EPB41: variants seen among roughly 807,000 people sequenced by gnomAD.
EPB41 encodes the protein protein 4.1.
In EPB41, 65 loss-of-function variants were observed where a neutral mutation model predicts 108.0. That is an observed-to-expected ratio of 0.60 (90% CI 0.49 to 0.74). EPB41 has a LOEUF of 0.74. EPB41 is among the 30% of genes least tolerant of loss of function. EPB41 has a pLI of 0.00. For synonymous variants in EPB41, 336 were observed against 358.9 expected (o/e 0.94, Z 0.72); for missense variants, 875 against 1,037.0 (o/e 0.84, Z 2.15).
At chr1:28,893,116 C>T (rs915230436) in intron 1 of EPB41, among the ~76,000 whole-genome samples, 21 of 151,970 alleles carry the variant, frequency 1.4e-4, no homozygotes, top group African/African-American at 5.1e-4. Context: ...GGGTCTCACT[C>T]TGTCGCCCAG....
intron 17 of EPB41, among the ~76,000 whole-genome samples, chr1:29,099,789 A>C (rs1330561651): frequency 6.6e-6 from 1 of 152,246 alleles, no homozygotes; most frequent in Non-Finnish European, 1.5e-5. Context: ...GAGTGTTCAC[A>C]ATATTAAGCC....
At chr1:28,911,009 G>A (rs2092226694), upstream of EPB41, 1 of 985,258 alleles carries the variant, frequency 1.0e-6, no homozygotes, top group South Asian at 4.7e-5. Context: ...CGGTGCTTGG[G>A]ACCTTTACCC....
Position 28,902,493 on chromosome 1 carries a change from C to T in EPB41, c.-8+15283C>T, listed in dbSNP as rs149549735. ...GGAGCCAGGCTTGGAGCAGCTTCCT[C>T]TGGAACTTTCCCCTTCCCAGCTCGG... is the stretch of plus-strand genomic sequence containing the variant. On this transcript the variant is annotated intron_variant, in intron 1 of 16. Coordinates refer to the EPB41 transcript ENST00000347529. The T allele has an allele frequency of 9.2e-6, 6 of 653,702 alleles. No homozygotes were observed. In the African/African-American group the frequency reaches 1.2e-4, roughly 13 times the overall value. 40.5% of individuals were successfully genotyped at this position (653,702 alleles called of 1,614,324 possible).
intron 7 of EPB41, among the ~76,000 whole-genome samples, chr1:29,021,093 C>A (rs892244104): frequency 2.2e-4 from 34 of 152,114 alleles, no homozygotes; most frequent in African/African-American, 7.5e-4. Flanking sequence ...TTATTATGTG[C>A]AAGATACTAT....
intron 1 of EPB41, among the ~76,000 whole-genome samples, chr1:28,916,046 G>A (rs2092635830): frequency 6.6e-6 from 1 of 152,026 alleles, no homozygotes; most frequent in Non-Finnish European, 1.5e-5. Flanking sequence ...GAAACTTGAT[G>A]TACTCTTCAT....
At chr1:29,049,189 G>C (rs1644055792) in intron 11 of EPB41, among the ~76,000 whole-genome samples, 1 of 152,198 alleles carries the variant, frequency 6.6e-6, no homozygotes, top group Admixed American at 6.5e-5. Flanking sequence ...TGATAGAGTA[G>C]TAAGTTGCAA....
chr1:29,107,607 C>G (rs548394627), intron 17 of EPB41, among the ~76,000 whole-genome samples: 1 of 151,892 alleles, frequency 6.6e-6, no homozygotes, highest in African/African-American at 2.4e-5. Context: ...AATCTCAGCT[C>G]TTTGGGAGGT....
chr1:29,099,317 C>G (rs1436891977), intron 17 of EPB41, among the ~76,000 whole-genome samples: 1 of 150,250 alleles, frequency 6.7e-6, no homozygotes, highest in Non-Finnish European at 1.5e-5. Context: ...TGGTGAGCCA[C>G]TACGCCTGGC....
chr1:28,987,495 G>C lies in EPB41; in HGVS notation c.58G>C (p.Glu20Gln). The change falls in exon 2 of 21, where the codon GAA becomes CAA. Residue 20 changes from glutamate (E) to glutamine (Q), a missense_variant. Glu to Gln is a conservative substitution (Grantham distance 29). Coordinates refer to ENST00000343067, the MANE Select transcript of EPB41 (RefSeq NM_001376013.1). ...CGAAAATTCACAGCACCAACAGAAGGAAGAGGGTGAGGAAGCCATAAACTC... is the reference window on the plus strand; with the variant it reads ...CGAAAATTCACAGCACCAACAGAAGCAAGAGGGTGAGGAAGCCATAAACTC... ...EAENSQHQQKEEGEEAINSGQ... is the reference protein window; with the variant it reads ...EAENSQHQQKQEGEEAINSGQ... 1.2e-6 allele frequency: 2 copies of C among 1,614,138 alleles called. No homozygotes were observed. Among genetic ancestry groups the C allele is most frequent in the Non-Finnish European group, 1.7e-6 (2 of 1,180,018 alleles).
chr1:28,917,089 C>A (rs890576910), intron 1 of EPB41, among the ~76,000 whole-genome samples: 3 of 152,140 alleles, frequency 2.0e-5, no homozygotes, highest in African/African-American at 7.2e-5. Flanking sequence ...CCTCACCCGG[C>A]CTCTCCCAAC....
chr1:28,925,252 C>T (rs188659283), intron 1 of EPB41, among the ~76,000 whole-genome samples: 119 of 152,066 alleles, frequency 7.8e-4, no homozygotes, highest in Non-Finnish European at 1.3e-3. Context: ...CGTGAGCCAC[C>T]GCGCCTGGCC....
chr1:28,998,386 G>A (rs1368570891), intron 4 of EPB41, among the ~76,000 whole-genome samples: 1 of 152,140 alleles, frequency 6.6e-6, no homozygotes, highest in African/African-American at 2.4e-5. Context: ...TGCGGGGTGG[G>A]TGTAAAGTGG....
intron 1 of EPB41, among the ~76,000 whole-genome samples, chr1:28,903,689 G>A (rs1230552994): frequency 6.6e-6 from 1 of 151,976 alleles, no homozygotes; most frequent in Non-Finnish European, 1.5e-5. Flanking sequence ...GTGTTGTGAA[G>A]GTTCAGTGAC....
At chr1:29,084,267 C>T (rs1185623400) in intron 16 of EPB41, among the ~76,000 whole-genome samples, 2 of 152,188 alleles carry the variant, frequency 1.3e-5, no homozygotes, top group African/African-American at 4.8e-5. Context: ...AATCACTTTT[C>T]CCAGACGTAT....
chr1:28,989,390 C>T (rs2095952461), intron 2 of EPB41: 2 of 978,274 alleles, frequency 2.0e-6, no homozygotes, highest in Non-Finnish European at 2.4e-6. Flanking sequence ...TTTTCAGAGT[C>T]TTCTTATTTC....
intron 10 of EPB41, 85 bp from the exon 11 acceptor site, chr1:29,039,169 T>A: frequency 7.0e-7 from 1 of 1,437,304 alleles, no homozygotes; most frequent in Non-Finnish European, 9.5e-7. Context: ...GAAACTTTTT[T>A]ATTCTTGATT....
rs577956634 is a variant in EPB41 at position 28,966,999 on chromosome 1, AT to A, written c.-7-20430del. Among the ~76,000 whole-genome samples, 529 of 140,588 alleles carry A rather than the reference AT, an allele frequency of 3.8e-3. 5 individuals carry two copies. The highest frequency in any genetic ancestry group is 0.013 in the African/African-American group (488 of 38,186). The allele number at this position is 140,588 out of a possible 152,430, so 92.2% of individuals were successfully genotyped here. On this transcript the variant is annotated intron_variant, in intron 1 of 20. Transcript: ENST00000343067. ...GTTCAGAAGCAGGTTATAAAGATAG[AT>A]TCATATGAGAACCTTTTTTTTTTTT...
At chr1:28,944,918 A>G (rs1174056633) in intron 1 of EPB41, among the ~76,000 whole-genome samples, 1 of 151,512 alleles carries the variant, frequency 6.6e-6, no homozygotes, top group Non-Finnish European at 1.5e-5. Flanking sequence ...GCAAAACCCA[A>G]TCTCTACCAA....
intron 16 of EPB41, chr1:29,071,139 A>G (rs1651167306): frequency 6.6e-6 from 1 of 152,252 alleles, no homozygotes; most frequent in Admixed American, 6.5e-5. Flanking sequence ...TTTTCTTAGG[A>G]TATCAAACCA....
Sources: gnomAD v4.1 joint callset for allele counts (sites outside exome capture counted in the v4.1 genomes callset) on GRCh38, gnomAD v4.1.1 for gene constraint, MANE v1.5 for transcripts, NCBI Gene and HGNC (gene_info 2026-07-23, HGNC 2026-07-21) for gene names.